Variants in IAH1 observed in about 807,000 individuals in gnomAD.
The protein encoded by IAH1 is isoamyl acetate-hydrolyzing esterase 1 homolog.
A neutral mutation model predicts 26.7 loss-of-function variants in IAH1; 24 were observed. The ratio of observed to expected loss-of-function variants is 0.90; its 90% confidence interval spans 0.65 to 1.26. The LOEUF is 1.26. Ranked by LOEUF, IAH1 falls within the 50% of genes most tolerant of loss-of-function variation. The pLI is 0.00. For missense variants in IAH1, 300 were observed against 299.9 expected (o/e 1.00, Z 0.00); for synonymous variants, 140 against 118.5 (o/e 1.18, Z -1.18).
downstream of IAH1, among the ~76,000 whole-genome samples, chr2:9,501,208 T>C (rs1237438601): frequency 6.6e-6 from 1 of 151,822 alleles, no homozygotes; most frequent in Non-Finnish European, 1.5e-5. Context: ...TATAAAGAGA[T>C]GCTCAAGAAA....
intron 2 of IAH1, 143 bp from the exon 3 acceptor site, chr2:9,478,079 C>T (rs375491525): frequency 6.2e-6 from 4 of 640,264 alleles, no homozygotes; most frequent in Admixed American, 3.2e-5. Context: ...TGTTCTTGCT[C>T]CTATCAAAGT....
At chr2:9,507,671 G>GA in the IAH1 span, among the ~76,000 whole-genome samples, 3 of 150,892 alleles carry the variant, frequency 2.0e-5, 1 homozygote, top group African/African-American at 7.3e-5. Context: ...GGCAGCTCCA[G>GA]AAAAAAAAAG....
downstream of IAH1, among the ~76,000 whole-genome samples, chr2:9,493,580 T>C (rs1412276847): frequency 6.6e-6 from 1 of 152,252 alleles, no homozygotes; most frequent in East Asian, 1.9e-4. Flanking sequence ...ACAGACTATC[T>C]ATGAGTTCAT....
At chr2:9,480,203 A>G (rs1661085348) in intron 3 of IAH1, among the ~76,000 whole-genome samples, 1 of 151,966 alleles carries the variant, frequency 6.6e-6, no homozygotes, top group African/African-American at 2.4e-5. Context: ...TTTTTTGCAA[A>G]CTATTTATGG....
chr2:9,475,783 T>A (rs1572827649), intron 1 of IAH1: 1 of 604,968 alleles, frequency 1.7e-6, no homozygotes, highest in African/African-American at 1.9e-5. Context: ...ATACAGGCTG[T>A]TTAGCTTTTG....
At chr2:9,496,090 C>T (rs1481105468) in intron 6 of IAH1, among the ~76,000 whole-genome samples, 1 of 151,986 alleles carries the variant, frequency 6.6e-6, no homozygotes, top group Non-Finnish European at 1.5e-5. Context: ...TTTTATTTAA[C>T]TACCGGGTTC....
downstream of IAH1, chr2:9,493,975 T>C: frequency 1.6e-6 from 1 of 611,818 alleles, no homozygotes; most frequent in Non-Finnish European, 2.9e-6. Flanking sequence ...TTCCGCGTAA[T>C]GAGTACCCAA....
chr2:9,510,932 G>A, the IAH1 span, among the ~76,000 whole-genome samples: 63,244 of 152,044 alleles, frequency 0.42, 14,291 homozygotes, highest in Middle Eastern at 0.62. Context: ...ATTGTAAGTA[G>A]TAACAAATCA....
At chr2:9,500,869 GCT>G (rs1365701690), downstream of IAH1, among the ~76,000 whole-genome samples, 1 of 152,184 alleles carries the variant, frequency 6.6e-6, no homozygotes, top group Non-Finnish European at 1.5e-5. Context: ...GGAAAGGTTA[GCT>G]CCAGAAAGAT....
the IAH1 span, among the ~76,000 whole-genome samples, chr2:9,504,262 T>C: frequency 6.6e-6 from 1 of 150,966 alleles, no homozygotes; most frequent in Non-Finnish European, 1.5e-5. Flanking sequence ...CTGGCCAACA[T>C]GCTAAAACTC....
At chr2:9,497,381 G>T, downstream of IAH1, 1 of 1,146,538 alleles carries the variant, frequency 8.7e-7, no homozygotes, top group Non-Finnish European at 1.2e-6. Context: ...ACAGAGCTAG[G>T]ACAAGAGCCT....
upstream of IAH1, among the ~76,000 whole-genome samples, chr2:9,474,119 T>G (rs1371220584): frequency 1.3e-5 from 2 of 151,774 alleles, no homozygotes; most frequent in African/African-American, 2.4e-5. The surrounding 1 kb of genome is among the most constrained non-coding windows in gnomAD (Gnocchi z 4.3). Flanking sequence ...TCCTCGTGGG[T>G]GTTACAGGCC....
downstream of IAH1, among the ~76,000 whole-genome samples, chr2:9,499,934 C>G (rs768045012): frequency 3.9e-5 from 6 of 152,150 alleles, no homozygotes; most frequent in Non-Finnish European, 7.3e-5. Flanking sequence ...TATGGAGAAG[C>G]TGGGACCCTC....
At chr2:9,510,105 T>C in the IAH1 span, 2 of 1,614,174 alleles carry the variant, frequency 1.2e-6, no homozygotes, top group Admixed American at 1.7e-5. Flanking sequence ...TATGTCCCAA[T>C]TCATGAGTTG....
chr2:9,487,788 TTGTGTGTGTGTGTGTGTGTGTGTGTGTG>T (rs70948823), intron 5 of IAH1, among the ~76,000 whole-genome samples: 2 of 134,032 alleles, frequency 1.5e-5, no homozygotes, highest in Admixed American at 7.7e-5. Context: ...CCCGGCCTTT[TTGTGTGTGTGTGTGTGTGTGTGTGTGTG>T]TGTGTGTGTG....
chr2:9,476,838 G>C (rs1414284594), intron 2 of IAH1, among the ~76,000 whole-genome samples: 1 of 152,198 alleles, frequency 6.6e-6, no homozygotes, highest in Non-Finnish European at 1.5e-5. Context: ...TGGTTCTTCA[G>C]TTGCTCCAGG....
intron 6 of IAH1, among the ~76,000 whole-genome samples, chr2:9,495,884 G>T (rs1207542135): frequency 6.8e-6 from 1 of 146,476 alleles, no homozygotes; most frequent in African/African-American, 2.5e-5. Context: ...TTTTTAAGAG[G>T]TGAGGTTTCA....
rs893995863 is a variant in IAH1, at chr2:9,489,067, A to ATCAAG, written c.*741_*745dup. On this transcript the variant is annotated 3_prime_UTR_variant, in exon 6 of 6. Transcript: ENST00000497473. ...GGTCAATAAAAAGGGTTTCTGAAGTATCAAGTCTTGTGGGGACAGCCCCCA... is the reference window on the plus strand; with the variant it reads ...GGTCAATAAAAAGGGTTTCTGAAGTATCAAGTCAAGTCTTGTGGGGACAGCCCCCA... 2.6e-5 allele frequency: 4 copies of ATCAAG among 152,206 alleles called. No homozygotes were observed. The highest frequency in any genetic ancestry group is 7.2e-5 in the African/African-American group (3 of 41,438). The allele number at this position is 152,206 out of a possible 1,614,324, so 9.4% of individuals were successfully genotyped here. A position where few individuals can be genotyped will look rare whatever the true frequency, so the allele number is the denominator to read the frequency against.
Position 9,481,404 on chromosome 2 carries a change from C to T in IAH1, c.402C>T (p.Thr134=), listed in dbSNP as rs750140073. The change falls in exon 4 of 6, where the codon ACC becomes ACT. Residue 134 remains threonine (T), a synonymous_variant. Transcript: ENST00000497473. ...PENRVILITP[T]PLCETAWEEQ... ...ATCGAGTCATTCTCATCACGCCGAC[C>T]CCACTTTGTGAAACAGCCTGGGAAG... 6.2e-7 allele frequency: 1 copy of T among 1,614,124 alleles called. No individual in the cohort carries two copies. Among genetic ancestry groups the T allele is most frequent in the South Asian group, 1.1e-5 (1 of 91,082 alleles).
Sources: gnomAD v4.1 joint callset for allele counts (sites outside exome capture counted in the v4.1 genomes callset) on GRCh38, gnomAD v4.1.1 for gene constraint, Gnocchi (gnomAD v3.1) non-coding constraint, MANE v1.5 for transcripts, NCBI Gene and HGNC (gene_info 2026-07-23, HGNC 2026-07-21) for gene names.